STARD8: variants seen among roughly 807,000 people sequenced by gnomAD.
The protein encoded by STARD8 is StAR related lipid transfer domain containing 8, also known as stAR-related lipid transfer protein 8.
Under a neutral mutation model 69.4 loss-of-function variants are expected in STARD8, and 25 were observed. The observed-to-expected ratio is 0.36, with a 90% CI of 0.26 to 0.50. The LOEUF is 0.50. Among genes scored for constraint, STARD8 ranks in the 20% least tolerant of loss-of-function variants. STARD8 has a pLI of 0.96. For synonymous variants in STARD8, 389 were observed against 374.6 expected, an observed-to-expected ratio of 1.04 and a Z score of -0.45; for missense variants, 921 against 932.5, an observed-to-expected ratio of 0.99 and a Z score of 0.16.
chrX:68,674,476 G>C (rs1255458728), intron 2 of STARD8, among the ~76,000 whole-genome samples: 2 of 110,579 alleles, frequency 1.8e-5, no homozygotes, highest in Non-Finnish European at 3.8e-5. Context: ...GAGCCACAAA[G>C]TAAAACAGTA....
At chrX:68,685,700 T>C (rs1357863946) in intron 2 of STARD8, among the ~76,000 whole-genome samples, 7 of 112,768 alleles carry the variant, frequency 6.2e-5, no homozygotes, top group Non-Finnish European at 5.6e-5. Flanking sequence ...GATGGCCAAG[T>C]CATTTGCATT....
At chrX:68,663,804 G>A (rs1410493692) in intron 1 of STARD8, among the ~76,000 whole-genome samples, 3 of 111,517 alleles carry the variant, frequency 2.7e-5, no homozygotes. Flanking sequence ...TAGCTTTGTA[G>A]CAAACTTTCA....
intron 2 of STARD8, among the ~76,000 whole-genome samples, chrX:68,672,954 C>A (rs182163150): frequency 1.5e-4 from 17 of 111,910 alleles, no homozygotes; most frequent in Non-Finnish European, 3.2e-4. Context: ...ATACATTCCA[C>A]AGGGGAAGGG....
intron 2 of STARD8, among the ~76,000 whole-genome samples, chrX:68,700,668 T>C (rs1000391882): frequency 8.9e-6 from 1 of 112,105 alleles, no homozygotes; most frequent in Non-Finnish European, 1.9e-5. Flanking sequence ...AGTGAGCTTG[T>C]GGGAAGAGCT....
Position 68,721,915 on chromosome X carries a change from C to A in STARD8, c.2460-132C>A, listed in dbSNP as rs888514015. On this transcript the variant is annotated intron_variant, in intron 10 of 14. Transcript: ENST00000374599. ...GTGGGATGCTGTGGAGCAGGGCCTT[C>A]CAAAAGGCAGCAGGTTGTTTTGTGG... The A allele has an allele frequency of 5.0e-6, 4 of 794,720 alleles. No individual in the cohort carries two copies. The Middle Eastern group carries it at 1.3e-3, about 256-fold the overall frequency. 65.5% of individuals were successfully genotyped at this position (794,720 alleles called of 1,213,427 possible). A position where few individuals can be genotyped will look rare whatever the true frequency, so the allele number is the denominator to read the frequency against.
At chrX:68,719,469 C>T (rs781287062) in intron 7 of STARD8, 71 bp downstream of exon 7, 1 of 1,061,672 alleles carries the variant, frequency 9.4e-7, no homozygotes, top group African/African-American at 1.9e-5. Flanking sequence ...CAGGGTCAGC[C>T]CAGGAGGTGG....
At chrX:68,696,937 T>C (rs777969060) in intron 2 of STARD8, among the ~76,000 whole-genome samples, 18 of 111,148 alleles carry the variant, frequency 1.6e-4, no homozygotes, top group Admixed American at 1.4e-3. Context: ...TTGTGAATAA[T>C]TTCAAACATA....
chrX:68,724,168 C>CT, intron 14 of STARD8, 47 bp downstream of exon 14: 1 of 1,184,971 alleles, frequency 8.4e-7, no homozygotes, highest in Non-Finnish European at 1.1e-6. Flanking sequence ...CCTTGACCCC[C>CT]TCCCCTGCCT....
intron 2 of STARD8, among the ~76,000 whole-genome samples, chrX:68,678,118 C>T (rs2079778125): frequency 9.0e-6 from 1 of 110,782 alleles, no homozygotes. Flanking sequence ...TTTACCAATG[C>T]ACCGCTGAAA....
At chrX:68,681,577 C>T (rs1441744423) in intron 2 of STARD8, among the ~76,000 whole-genome samples, 2 of 112,708 alleles carry the variant, frequency 1.8e-5, no homozygotes, top group African/African-American at 6.5e-5. Flanking sequence ...CAACAAACCC[C>T]AACTCCCTGG....
chrX:68,665,558 A>C, intron 2 of STARD8, 26 bp downstream of exon 2: 1 of 1,201,897 alleles, frequency 8.3e-7, no homozygotes, highest in Non-Finnish European at 1.1e-6. Context: ...GGGCATTGCA[A>C]GTGGCATACA....
chrX:68,722,432 A>T lies in STARD8; in HGVS notation c.2585A>T (p.Asp862Val). Residue 862 changes from aspartate (D) to valine (V), a missense_variant, in exon 12 of 15, where the codon GAC becomes GTC. Physicochemically the swap from Asp to Val is radical, Grantham distance 152. Transcript: ENST00000374599. ...DCKKLFQVPQ[D>V]MVLQLCSSYS... ...TGTGTGCCCTCTCAGGTGCCCCAGG[A>T]CATGGTGCTGCAGCTGTGCAGCTCC... is the stretch of plus-strand genomic sequence containing the variant. 2 of 1,200,293 alleles carry T rather than the reference A, an allele frequency of 1.7e-6. No individual in the cohort carries two copies. Among genetic ancestry groups the T allele is most frequent in the Admixed American group, 4.5e-5 (2 of 44,927 alleles).
intron 2 of STARD8, among the ~76,000 whole-genome samples, chrX:68,679,822 G>A (rs2079789881): frequency 1.8e-5 from 2 of 111,850 alleles, no homozygotes; most frequent in South Asian, 7.6e-4. Flanking sequence ...TAGGCCTTCC[G>A]ATTGGGCTCC....
chrX:68,664,559 A>T lies in STARD8; in HGVS notation c.46-940A>T, dbSNP rs182493913. On this transcript the variant is annotated intron_variant, in intron 1 of 14. Transcript: ENST00000374599. ...AAATGCTCTTCACCTAGCTCTTCAC[A>T]TTGCTGACAACTTCTTGCCATCTGG... Among the ~76,000 whole-genome samples, 1,032 of 111,877 alleles carry T rather than the reference A, an allele frequency of 9.2e-3. 13 individuals carry two copies. Among genetic ancestry groups the T allele is most frequent in the African/African-American group, 0.031 (961 of 30,745 alleles).
intron 1 of STARD8, among the ~76,000 whole-genome samples, chrX:68,660,324 G>T (rs1328267071): frequency 8.9e-6 from 1 of 112,027 alleles, no homozygotes; most frequent in Non-Finnish European, 1.9e-5. Context: ...GCCCAGCAAA[G>T]AATTGGTCAA....
intron 2 of STARD8, among the ~76,000 whole-genome samples, chrX:68,696,574 G>A (rs2147909027): frequency 8.9e-6 from 1 of 112,139 alleles, no homozygotes; most frequent in South Asian, 3.7e-4. Flanking sequence ...TAGGAGTTCA[G>A]GGTGGTGTGG....
chrX:68,713,023 C>T, intron 3 of STARD8, 38 bp downstream of exon 3: 2 of 1,154,274 alleles, frequency 1.7e-6, no homozygotes, highest in Non-Finnish European at 2.3e-6. Flanking sequence ...CATACTTCCC[C>T]TAGCCCTCAG....
rs2079523907 is a variant in STARD8, at chrX:68,647,784, C to G, written c.-99C>G. ...ATGGAGCGCAGGGACCGGGCTGGCT[C>G]TCGCCGAGCCCCGGGCCTCTTTTAG... On this transcript the variant is annotated 5_prime_UTR_variant, in exon 1 of 15. Transcript: ENST00000374599. The G allele has an allele frequency of 2.8e-6, 3 of 1,067,976 alleles. No homozygotes were observed. Among genetic ancestry groups the G allele is most frequent in the Non-Finnish European group, 3.8e-6 (3 of 792,595 alleles). The allele number at this position is 1,067,976 out of a possible 1,213,427, so 88.0% of individuals were successfully genotyped here. A position where few individuals can be genotyped will look rare whatever the true frequency, so the allele number is the denominator to read the frequency against.
At chrX:68,696,058 G>A (rs5980668) in intron 2 of STARD8, among the ~76,000 whole-genome samples, 18,498 of 112,039 alleles carry the variant, frequency 0.17, 2,676 homozygotes, top group African/African-American at 0.48. Flanking sequence ...TAGAAGAAAG[G>A]GTTGCCTCTG....
Sources: gnomAD v4.1 joint callset for allele counts (sites outside exome capture counted in the v4.1 genomes callset) on GRCh38, gnomAD v4.1.1 for gene constraint, MANE v1.5 for transcripts, NCBI Gene and HGNC (gene_info 2026-07-23, HGNC 2026-07-21) for gene names.